Variants in LINGO2 observed in about 807,000 individuals in gnomAD.
The protein encoded by LINGO2 is leucine rich repeat and Ig domain containing 2, also known as leucine-rich repeat and immunoglobulin-like domain-containing nogo receptor-interacting protein 2.
Under a neutral mutation model 30.6 loss-of-function variants are expected in LINGO2, and 14 were observed. The ratio of observed to expected loss-of-function variants is 0.46; its 90% confidence interval spans 0.30 to 0.72. LINGO2 has a LOEUF of 0.72. Among genes scored for constraint, LINGO2 ranks in the 30% least tolerant of loss-of-function variants. The probability of loss-of-function intolerance (pLI) is 0.07; values close to 1 mark genes in which losing one functional copy is unlikely to be tolerated. For synonymous variants in LINGO2, 317 were observed against 288.5 expected (o/e 1.10, Z -1.00); for missense variants, 729 against 751.7 (o/e 0.97, Z 0.35).
intron 2 of LINGO2, among the ~76,000 whole-genome samples, chr9:28,394,413 C>G (rs141861437): frequency 1.3e-5 from 2 of 152,122 alleles, no homozygotes; most frequent in Non-Finnish European, 2.9e-5. Flanking sequence ...GCCTTTTCCT[C>G]TTTTTTCCCC....
chr9:28,402,200 C>T (rs972937950), intron 2 of LINGO2, among the ~76,000 whole-genome samples: 3 of 117,574 alleles, frequency 2.6e-5, no homozygotes, highest in African/African-American at 9.2e-5. Context: ...CTTATAGCCA[C>T]ACAACTAAAG....
chr9:28,690,381 A>G, the LINGO2 span, among the ~76,000 whole-genome samples: 1 of 152,148 alleles, frequency 6.6e-6, no homozygotes, highest in Non-Finnish European at 1.5e-5. Context: ...ATAAAAATGC[A>G]TATTGTTTCC....
chr9:29,122,257 G>A, the LINGO2 span, among the ~76,000 whole-genome samples: 5 of 151,838 alleles, frequency 3.3e-5, no homozygotes, highest in Non-Finnish European at 7.4e-5. Flanking sequence ...AATCTCATTG[G>A]TTCAATACAT....
the LINGO2 span, among the ~76,000 whole-genome samples, chr9:29,065,106 T>G: frequency 6.6e-6 from 1 of 152,074 alleles, no homozygotes; most frequent in Admixed American, 6.6e-5. Context: ...AGCCCTAAGA[T>G]ACTCTCTCTA....
intron 4 of LINGO2, among the ~76,000 whole-genome samples, chr9:28,027,706 C>T (rs1048554305): frequency 6.6e-6 from 1 of 152,034 alleles, no homozygotes; most frequent in African/African-American, 2.4e-5. Flanking sequence ...GGATTAAATG[C>T]GAGGTGGTAT....
intron 1 of LINGO2, among the ~76,000 whole-genome samples, chr9:28,492,941 T>C (rs1321226981): frequency 6.6e-6 from 1 of 152,094 alleles, no homozygotes; most frequent in Non-Finnish European, 1.5e-5. Context: ...TTTCAAAAAT[T>C]TACAGAAGTG....
the LINGO2 span, among the ~76,000 whole-genome samples, chr9:29,196,657 A>G: frequency 6.6e-6 from 1 of 152,064 alleles, no homozygotes; most frequent in Admixed American, 6.6e-5. Flanking sequence ...AAAGAAGCCT[A>G]TAGTCTAATT....
chr9:28,693,687 G>C, the LINGO2 span, among the ~76,000 whole-genome samples: 1 of 152,066 alleles, frequency 6.6e-6, no homozygotes, highest in Admixed American at 6.6e-5. Context: ...GTACAGCTCT[G>C]AAATGTCAGG....
At chr9:29,196,764 A>C in the LINGO2 span, among the ~76,000 whole-genome samples, 2 of 152,064 alleles carry the variant, frequency 1.3e-5, no homozygotes. Context: ...GTATATGAAA[A>C]ATTTTCTAAA....
intron 1 of LINGO2, among the ~76,000 whole-genome samples, chr9:28,525,289 T>G (rs1012128392): frequency 6.6e-6 from 1 of 152,176 alleles, no homozygotes; most frequent in African/African-American, 2.4e-5. Context: ...GAAACTAGGT[T>G]TTCAGTTTTC....
chr9:28,860,535 G>C, the LINGO2 span, among the ~76,000 whole-genome samples: 5 of 151,876 alleles, frequency 3.3e-5, no homozygotes, highest in African/African-American at 9.7e-5. Context: ...AATTATGTGA[G>C]CCAATTACTT....
At chr9:28,194,549 A>G (rs763781747) in intron 4 of LINGO2, among the ~76,000 whole-genome samples, 6 of 136,596 alleles carry the variant, frequency 4.4e-5, no homozygotes, top group Non-Finnish European at 9.6e-5. Context: ...CTAAGACCTA[A>G]ACTCTCTATC....
intron 2 of LINGO2, among the ~76,000 whole-genome samples, chr9:28,413,373 A>G (rs1290244020): frequency 1.3e-5 from 2 of 152,126 alleles, no homozygotes; most frequent in Non-Finnish European, 2.9e-5. Context: ...GTCTTTATTC[A>G]TATTGTATGC....
rs550762264 is a variant in LINGO2, at chr9:28,321,236, T to A, written c.-245-25870A>T. On this transcript the variant is annotated intron_variant, in intron 3 of 5. Coordinates refer to ENST00000379992, the Ensembl canonical transcript of LINGO2. ...ACCCAAACAAATTACCTACTGAAATTCAAGAATCAAGAAGCCAGAGACCTG... is the reference window on the plus strand; with the variant it reads ...ACCCAAACAAATTACCTACTGAAATACAAGAATCAAGAAGCCAGAGACCTG... 2.6e-5 allele frequency among the ~76,000 whole-genome samples: 4 copies of A among 152,142 alleles called. No individual in the cohort carries two copies. In the South Asian group the frequency reaches 8.3e-4, roughly 32 times the overall value.
chr9:28,020,615 G>A (rs1823070172), intron 4 of LINGO2, among the ~76,000 whole-genome samples: 1 of 152,166 alleles, frequency 6.6e-6, no homozygotes, highest in South Asian at 2.1e-4. Flanking sequence ...TTTTTGAGGA[G>A]ACTGTGGAAA....
chr9:28,281,954 G>A (rs190492333), intron 4 of LINGO2, among the ~76,000 whole-genome samples: 1 of 152,216 alleles, frequency 6.6e-6, no homozygotes, highest in Non-Finnish European at 1.5e-5. Flanking sequence ...GTAAAGGCAA[G>A]CTGAATCTGC....
At chr9:29,010,069 T>TA in the LINGO2 span, among the ~76,000 whole-genome samples, 1 of 151,958 alleles carries the variant, frequency 6.6e-6, no homozygotes, top group Non-Finnish European at 1.5e-5. Context: ...CCTAAAACCA[T>TA]AAAAAACCCA....
At chr9:29,159,504 GA>G in the LINGO2 span, among the ~76,000 whole-genome samples, 2 of 152,142 alleles carry the variant, frequency 1.3e-5, no homozygotes, top group Non-Finnish European at 2.9e-5. Context: ...AACTTATCAT[GA>G]AACTTTCAGT....
chr9:28,460,850 A>G (rs922279945), intron 2 of LINGO2, among the ~76,000 whole-genome samples: 1 of 151,998 alleles, frequency 6.6e-6, no homozygotes, highest in African/African-American at 2.4e-5. Context: ...TGGGAGGTGA[A>G]GAAAAGGTAA....
Sources: gnomAD v4.1 joint callset for allele counts (sites outside exome capture counted in the v4.1 genomes callset) on GRCh38, gnomAD v4.1.1 for gene constraint, MANE v1.5 for transcripts, NCBI Gene and HGNC (gene_info 2026-07-23, HGNC 2026-07-21) for gene names.